COL24A1: variants seen among roughly 807,000 people sequenced by gnomAD.
COL24A1 encodes collagen type XXIV alpha 1 chain.
A neutral mutation model predicts 253.9 loss-of-function variants in COL24A1; 224 were observed. The ratio of observed to expected loss-of-function variants is 0.88; its 90% CI spans 0.79 to 0.99. The LOEUF is 0.99. Ranked by LOEUF, COL24A1 falls within the 50% of genes least tolerant of loss-of-function variation. The probability of loss-of-function intolerance (pLI) is 0.00; values close to 1 mark genes in which losing one functional copy is unlikely to be tolerated. For synonymous variants in COL24A1, 685 were observed against 673.7 expected (o/e 1.02, Z -0.26); for missense variants, 2,131 against 2,068.5 (o/e 1.03, Z -0.59).
intron 24 of COL24A1, among the ~76,000 whole-genome samples, chr1:85,959,026 G>A (rs935545632): frequency 6.6e-6 from 1 of 152,068 alleles, no homozygotes; most frequent in Admixed American, 6.6e-5. Flanking sequence ...CCAGTTAAAG[G>A]CAATTAATGA....
chr1:86,156,454 C>T lies in COL24A1; in HGVS notation c.-58G>A, dbSNP rs1283700792. On this transcript the variant is annotated 5_prime_UTR_variant, in exon 1 of 60. Coordinates refer to ENST00000370571, the MANE Select transcript of COL24A1 (RefSeq NM_152890.7). The stretch of plus-strand genomic sequence containing the variant: ...ACGGAAAACAGAAGCCAACTCTGAA[C>T]TGCTTAGGGTGCAGGTACTGTCCAT... 2.6e-6 allele frequency: 4 copies of T among 1,530,628 alleles called. No individual in the cohort carries two copies. Among genetic ancestry groups the T allele is most frequent in the Non-Finnish European group, 3.6e-6 (4 of 1,117,198 alleles). 94.8% of individuals were successfully genotyped at this position (1,530,628 alleles called of 1,614,324 possible).
intron 7 of COL24A1, among the ~76,000 whole-genome samples, chr1:86,072,227 C>T (rs1472305069): frequency 6.6e-6 from 1 of 152,154 alleles, no homozygotes; most frequent in East Asian, 1.9e-4. Context: ...TGGATTCCAC[C>T]CCCACAGAGC....
intron 8 of COL24A1, among the ~76,000 whole-genome samples, chr1:86,060,887 A>G (rs756730855): frequency 2.6e-4 from 40 of 151,744 alleles, no homozygotes; most frequent in Non-Finnish European, 5.3e-4. Context: ...TTGATATTAA[A>G]TATTATATAT....
At chr1:85,874,603 A>C in intron 35 of COL24A1, 46 bp downstream of exon 35, 1 of 1,557,548 alleles carries the variant, frequency 6.4e-7, no homozygotes, top group Non-Finnish European at 8.8e-7. Context: ...TGAGCCTCTG[A>C]AAGAAGTGGG....
Position 86,006,813 on chromosome 1 carries a change from G to T in COL24A1, c.2310+10338C>A, listed in dbSNP as rs2101103970. Among the ~76,000 whole-genome samples the T allele has an allele frequency of 1.3e-5, 2 of 152,020 alleles. 1 individual carries two copies. The highest frequency in any genetic ancestry group is 4.2e-4 in the South Asian group (2 of 4,806). On this transcript the variant is annotated intron_variant, in intron 19 of 59. Transcript: ENST00000370571. The stretch of plus-strand genomic sequence containing the variant: ...ACAATTAAAAAAAACATTAAAAAAA[G>T]GCCAAAGACCTTAACAAACACCTCA...
chr1:85,911,716 T>G (rs1179123687), intron 24 of COL24A1, among the ~76,000 whole-genome samples: 2 of 152,142 alleles, frequency 1.3e-5, no homozygotes, highest in Non-Finnish European at 2.9e-5. Flanking sequence ...GGAACTGACA[T>G]GCTACTAGAT....
chr1:85,779,439 G>A (rs1435021137), intron 52 of COL24A1, among the ~76,000 whole-genome samples: 1 of 151,896 alleles, frequency 6.6e-6, no homozygotes, highest in East Asian at 1.9e-4. Flanking sequence ...AGAAGTTGTA[G>A]TCATCTTGCT....
intron 8 of COL24A1, among the ~76,000 whole-genome samples, chr1:86,059,642 T>A (rs933949833): frequency 3.3e-5 from 5 of 152,156 alleles, no homozygotes; most frequent in Non-Finnish European, 7.4e-5. Flanking sequence ...GTGAGTCTGA[T>A]TAAGTAAATG....
intron 5 of COL24A1, among the ~76,000 whole-genome samples, chr1:86,106,888 C>T (rs1705032727): frequency 6.6e-6 from 1 of 152,138 alleles, no homozygotes. Flanking sequence ...AAAATTGCTG[C>T]ATATCCACTA....
intron 57 of COL24A1, among the ~76,000 whole-genome samples, chr1:85,741,597 C>T (rs1032277463): frequency 6.6e-6 from 1 of 152,224 alleles, no homozygotes; most frequent in African/African-American, 2.4e-5. Context: ...AACTTTTGAC[C>T]CCTACCTCCT....
At chr1:86,016,476 G>A (rs966546096) in intron 19 of COL24A1, among the ~76,000 whole-genome samples, 7 of 152,166 alleles carry the variant, frequency 4.6e-5, no homozygotes, top group South Asian at 2.1e-4. Flanking sequence ...GTGTGCTTGC[G>A]TGTATGTGTG....
intron 48 of COL24A1, among the ~76,000 whole-genome samples, chr1:85,784,724 T>A (rs367986834): frequency 6.6e-6 from 1 of 151,950 alleles, no homozygotes; most frequent in East Asian, 1.9e-4. Context: ...ATATTTTGTT[T>A]ATTTATTTAT....
At chr1:85,792,810 A>T (rs1030325867) in intron 47 of COL24A1, among the ~76,000 whole-genome samples, 10 of 152,110 alleles carry the variant, frequency 6.6e-5, no homozygotes, top group Admixed American at 1.3e-4. Context: ...TTTTAAAAAA[A>T]TTCCTAAGAA....
chr1:85,809,450 A>G (rs1169861441), intron 47 of COL24A1, among the ~76,000 whole-genome samples: 1 of 152,214 alleles, frequency 6.6e-6, no homozygotes, highest in African/African-American at 2.4e-5. Context: ...GACAACTTGG[A>G]GGTCAGAAGT....
chr1:85,762,818 A>G (rs991515688), intron 53 of COL24A1, among the ~76,000 whole-genome samples: 17 of 152,358 alleles, frequency 1.1e-4, no homozygotes, highest in African/African-American at 4.1e-4. Context: ...TACAAAATAC[A>G]TATGTTACCT....
chr1:86,065,619 A>G (rs947834053), intron 7 of COL24A1, among the ~76,000 whole-genome samples: 4 of 152,100 alleles, frequency 2.6e-5, no homozygotes, highest in Non-Finnish European at 4.4e-5. Context: ...ATGACTTGGA[A>G]TAAAGAGTTT....
chr1:85,955,990 T>TC (rs1690424645), intron 24 of COL24A1, among the ~76,000 whole-genome samples: 3 of 152,236 alleles, frequency 2.0e-5, no homozygotes, highest in Non-Finnish European at 4.4e-5. Context: ...TTCACATCTC[T>TC]TAAACATTAA....
At position 85,868,518 on chromosome 1, in the gene COL24A1, C is replaced by T. The variant is rs1276581469; in HGVS notation, c.3300+1G>A. 2.5e-6 allele frequency: 4 copies of T among 1,610,986 alleles called. No individual in the cohort carries two copies. The highest frequency in any genetic ancestry group is 3.4e-6 in the Non-Finnish European group (4 of 1,177,330). On this transcript the variant is annotated splice_donor_variant, in intron 37 of 59. Transcript: ENST00000370571. LOFTEE classifies it high-confidence loss of function. ...TTGAAAGTGAACCCAGCAGTACTTA[C>T]CGGAAGGCCTGTTTGGCCTGATCTA...
At chr1:85,892,650 A>G (rs1320095667) in intron 31 of COL24A1, among the ~76,000 whole-genome samples, 2 of 152,078 alleles carry the variant, frequency 1.3e-5, no homozygotes, top group African/African-American at 2.4e-5. Context: ...TTAAAGCAAA[A>G]ATCATAACTT....
Sources: allele counts gnomAD v4.1 joint callset (sites outside exome capture counted in the v4.1 genomes callset), GRCh38; gene constraint gnomAD v4.1.1; transcripts MANE v1.5; gene names NCBI Gene and HGNC (gene_info 2026-07-23, HGNC 2026-07-21).